Variants in PIEZO2 observed in about 807,000 individuals in gnomAD.
The protein encoded by PIEZO2 is piezo-type mechanosensitive ion channel component 2.
PIEZO2 carries 172 observed loss-of-function variants against 337.3 expected under a neutral mutation model. That is an observed-to-expected ratio of 0.51 (90% CI 0.45 to 0.58). The LOEUF (loss-of-function observed/expected upper bound fraction) is 0.58. Ranked by LOEUF, PIEZO2 falls within the 20% of genes least tolerant of loss-of-function variation. The probability of loss-of-function intolerance (pLI) is 0.00; values close to 1 mark genes in which losing one functional copy is unlikely to be tolerated. For missense variants in PIEZO2, 3,028 were observed against 3,391.3 expected, an observed-to-expected ratio of 0.89 and a Z score of 2.66; for synonymous variants, 1,251 against 1,228.5, an observed-to-expected ratio of 1.02 and a Z score of -0.38.
At chr18:11,113,595 C>T (rs980245262) in intron 1 of PIEZO2, among the ~76,000 whole-genome samples, 1 of 152,176 alleles carries the variant, frequency 6.6e-6, no homozygotes. Flanking sequence ...ACCTGGGAGG[C>T]CCTCGCAGGT....
rs1199639248 is a variant in PIEZO2 at position 10,794,249 on chromosome 18, TCTAA to T, written c.1758+519_1758+522del. On this transcript the variant is annotated intron_variant, in intron 13 of 55. Coordinates refer to ENST00000674853, the MANE Select transcript of PIEZO2 (RefSeq NM_001378183.1). This position sits in a 1 kb window ranked among gnomAD's most constrained non-coding sequence, Gnocchi z 6.6. ...TAAGTAATGAGAAGAGTATGAACAT[TCTAA>T]CTCAGATAAGAACATATCATATAAT... Among the ~76,000 whole-genome samples the T allele has an allele frequency of 1.2e-4, 18 of 152,088 alleles. No homozygotes were observed. Among genetic ancestry groups the T allele is most frequent in the African/African-American group, 4.3e-4 (18 of 41,418 alleles).
chr18:10,941,940 T>C (rs1468222169), intron 3 of PIEZO2, among the ~76,000 whole-genome samples: 1 of 152,102 alleles, frequency 6.6e-6, no homozygotes, highest in African/African-American at 2.4e-5. Flanking sequence ...TCCAGTGCTG[T>C]TCTCATGATA....
intron 3 of PIEZO2, among the ~76,000 whole-genome samples, chr18:10,931,227 G>A (rs7231558): frequency 0.43 from 64,457 of 151,636 alleles, 14,272 homozygotes; most frequent in South Asian, 0.62. Flanking sequence ...ACGGAGTCTC[G>A]CTCTGTTTGT....
Position 10,775,894 on chromosome 18 carries a change from G to T in PIEZO2, c.2535-1856C>A, listed in dbSNP as rs549124857. On this transcript the variant is annotated intron_variant, in intron 18 of 55. Coordinates refer to ENST00000674853, the MANE Select transcript of PIEZO2 (RefSeq NM_001378183.1). This position sits in a 1 kb window ranked among gnomAD's most constrained non-coding sequence, Gnocchi z 4.3. ...CCTCTCTGGAGCAGTCTAACCTCAT[G>T]AGCTTGTAATGGATGACAAAAAAAG... Among the ~76,000 whole-genome samples the T allele has an allele frequency of 6.8e-6, 1 of 147,414 alleles. No homozygotes were observed. Among genetic ancestry groups the T allele is most frequent in the Admixed American group, 7.0e-5 (1 of 14,340 alleles).
At chr18:10,842,089 C>T (rs993612606) in intron 7 of PIEZO2, among the ~76,000 whole-genome samples, 2 of 146,970 alleles carry the variant, frequency 1.4e-5, no homozygotes, top group Non-Finnish European at 3.0e-5. Flanking sequence ...GTGGAGGCTG[C>T]AGTGAGCCGA....
In PIEZO2 at chr18:10,834,360, T is replaced by TTATGG. The variant is rs1274613479; in HGVS notation, c.917+20988_917+20992dup. ...TGGGCATAATAAAGTAGACCACACC[T>TTATGG]TATGGAGTTGTTGGGAGGATTAAAT... On this transcript the variant is annotated intron_variant, in intron 7 of 55. Coordinates refer to ENST00000674853, the MANE Select transcript of PIEZO2 (RefSeq NM_001378183.1). The surrounding 1 kb of genome is among the most constrained non-coding windows in gnomAD (Gnocchi z 4.5). Among the ~76,000 whole-genome samples the TTATGG allele has an allele frequency of 1.3e-5, 2 of 152,178 alleles. No homozygotes were observed. Among genetic ancestry groups the TTATGG allele is most frequent in the Non-Finnish European group, 2.9e-5 (2 of 68,036 alleles).
At chr18:10,902,098 C>T (rs1163542994) in intron 4 of PIEZO2, among the ~76,000 whole-genome samples, 1 of 152,146 alleles carries the variant, frequency 6.6e-6, no homozygotes, top group Non-Finnish European at 1.5e-5. Context: ...AGCGAGAACC[C>T]TATTGTGAAC....
chr18:10,856,971 C>G lies in PIEZO2; in HGVS notation c.703+30G>C. On this transcript the variant is annotated intron_variant, in intron 6 of 55. Transcript: ENST00000674853. This position sits in a 1 kb window ranked among gnomAD's most constrained non-coding sequence, Gnocchi z 4.7. ...ACCAAAGCACTGCTTGTGCCTTTTG[C>G]TACGTGCAGCCAGTGTGGGAGACAC... The G allele has an allele frequency of 6.5e-7, 1 of 1,529,348 alleles. No individual in the cohort carries two copies. The highest frequency in any genetic ancestry group is 8.8e-7 in the Non-Finnish European group (1 of 1,140,152). The allele number at this position is 1,529,348 out of a possible 1,614,324, so 94.7% of individuals were successfully genotyped here. A position where few individuals can be genotyped will look rare whatever the true frequency, so the allele number is the denominator to read the frequency against.
Position 10,870,426 on chromosome 18 carries a change from C to A in PIEZO2, c.492+827G>T, listed in dbSNP as rs1158329832. On this transcript the variant is annotated intron_variant, in intron 5 of 55. Transcript: ENST00000674853. This position sits in a 1 kb window ranked among gnomAD's most constrained non-coding sequence, Gnocchi z 5.3. ...ACTGAAAACATTTAGTACTTGCAAG[C>A]GTTTTGCATCAAATGTCCAAATAAA... 6.6e-6 allele frequency among the ~76,000 whole-genome samples: 1 copy of A among 151,252 alleles called. No homozygotes were observed. Among genetic ancestry groups the A allele is most frequent in the African/African-American group, 2.4e-5 (1 of 41,326 alleles).
intron 3 of PIEZO2, among the ~76,000 whole-genome samples, chr18:10,963,115 T>A (rs571831233): frequency 6.6e-6 from 1 of 152,116 alleles, no homozygotes; most frequent in East Asian, 1.9e-4. Context: ...TGAAACCTTG[T>A]CTCTACTAAA....
chr18:10,729,877 C>A (rs1373851704), intron 36 of PIEZO2, among the ~76,000 whole-genome samples: 1 of 152,132 alleles, frequency 6.6e-6, no homozygotes, highest in Admixed American at 6.5e-5. Context: ...TGTTGTTTTT[C>A]ACTTAATAAT....
rs1568111918 is a variant in PIEZO2, at chr18:10,833,701, C to G, written c.917+21652G>C. On this transcript the variant is annotated intron_variant, in intron 7 of 55. Transcript: ENST00000674853. The surrounding 1 kb of genome is among the most constrained non-coding windows in gnomAD (Gnocchi z 4.7). The stretch of plus-strand genomic sequence containing the variant: ...AGCCCTCTCAGCTTCTCATATCTCT[C>G]TGGAGAGACACTTTCTTCTTTCTAG... Among the ~76,000 whole-genome samples, 1 of 152,256 alleles carries G rather than the reference C, an allele frequency of 6.6e-6. No homozygotes were observed. Among genetic ancestry groups the G allele is most frequent in the Non-Finnish European group, 1.5e-5 (1 of 68,054 alleles).
chr18:10,980,176 GCAT>G lies in PIEZO2; in HGVS notation c.161-519_161-517del, dbSNP rs1568262853. Among the ~76,000 whole-genome samples the G allele has an allele frequency of 1.3e-5, 2 of 151,752 alleles. No individual in the cohort carries two copies. Among genetic ancestry groups the G allele is most frequent in the African/African-American group, 4.8e-5 (2 of 41,318 alleles). ...TTAAATGTGTTAACCAACTGAAATA[GCAT>G]AGAAAAAATATAATACATAGGTTAA... On this transcript the variant is annotated intron_variant, in intron 2 of 55. Transcript: ENST00000674853. The surrounding 1 kb of genome is among the most constrained non-coding windows in gnomAD (Gnocchi z 4.8).
Position 10,724,856 on chromosome 18 carries a change from G to C in PIEZO2, c.5029+6551C>G. ...GGCCACGGCGGCCACATGCGTCGCAGTGAGAGCACCTACTCTGTAAATAGT... is the reference window on the plus strand; with the variant it reads ...GGCCACGGCGGCCACATGCGTCGCACTGAGAGCACCTACTCTGTAAATAGT... On this transcript the variant is annotated intron_variant, in intron 36 of 55. Transcript: ENST00000674853. The surrounding 1 kb of genome is among the most constrained non-coding windows in gnomAD (Gnocchi z 5.8). 1 of 1,607,158 alleles carries C rather than the reference G, an allele frequency of 6.2e-7. No individual in the cohort carries two copies. Among genetic ancestry groups the C allele is most frequent in the Non-Finnish European group, 8.5e-7 (1 of 1,176,922 alleles).
chr18:10,869,669 CAAG>C (rs1598608028), intron 5 of PIEZO2, among the ~76,000 whole-genome samples: 1 of 152,104 alleles, frequency 6.6e-6, no homozygotes, highest in East Asian at 1.9e-4. Context: ...GGAATGTCAA[CAAG>C]AAGAAGAAGC....
intron 42 of PIEZO2, 187 bp downstream of exon 42, chr18:10,704,207 C>T (rs570748754): frequency 1.2e-5 from 9 of 757,382 alleles, no homozygotes; most frequent in East Asian, 8.2e-5. Context: ...TTTAGAATTG[C>T]GAGTGCTAGG....
rs1017521762 is a variant in PIEZO2, at chr18:10,969,119, C to T, written c.286+10416G>A. Among the ~76,000 whole-genome samples, 7 of 152,154 alleles carry T rather than the reference C, an allele frequency of 4.6e-5. No individual in the cohort carries two copies. The highest frequency in any genetic ancestry group is 4.4e-5 in the Non-Finnish European group (3 of 68,040). On this transcript the variant is annotated intron_variant, in intron 3 of 55. Coordinates refer to ENST00000674853, the MANE Select transcript of PIEZO2 (RefSeq NM_001378183.1). This position sits in a 1 kb window ranked among gnomAD's most constrained non-coding sequence, Gnocchi z 4.5. ...GCCCAATTCTGCTGCTTTCAAATGC[C>T]TTTGAAATGTCCTTCCATATTCCAT...
rs1054124205 is a variant in PIEZO2, at chr18:11,003,348, T to G, written c.161-23688A>C. Reference sequence around the variant, plus strand: ...TCAGTAGGCTCCTGGAAACTGCGGCTTTAAGCAAAACGATGTATAGCAAAA... The same window carrying G: ...TCAGTAGGCTCCTGGAAACTGCGGCGTTAAGCAAAACGATGTATAGCAAAA... On this transcript the variant is annotated intron_variant, in intron 2 of 55. Transcript: ENST00000674853. This position sits in a 1 kb window ranked among gnomAD's most constrained non-coding sequence, Gnocchi z 4.6. 6.6e-6 allele frequency among the ~76,000 whole-genome samples: 1 copy of G among 152,212 alleles called. No homozygotes were observed. Among genetic ancestry groups the G allele is most frequent in the African/African-American group, 2.4e-5 (1 of 41,444 alleles).
chr18:10,855,760 T>C lies in PIEZO2; in HGVS notation c.704-194A>G, dbSNP rs1555661280. ...AGATTTATTGTGAAAAAGTCACATA[T>C]GAAATGATAACTATAAATACAAAGA... is the stretch of plus-strand genomic sequence containing the variant. On this transcript the variant is annotated intron_variant, in intron 6 of 55. Coordinates refer to ENST00000674853, the MANE Select transcript of PIEZO2 (RefSeq NM_001378183.1). The surrounding 1 kb of genome is among the most constrained non-coding windows in gnomAD (Gnocchi z 4.9). Among the ~76,000 whole-genome samples the C allele has an allele frequency of 6.6e-6, 1 of 152,214 alleles. No homozygotes were observed. The highest frequency in any genetic ancestry group is 1.5e-5 in the Non-Finnish European group (1 of 68,030).
Sources: gnomAD v4.1 joint callset for allele counts (sites outside exome capture counted in the v4.1 genomes callset) on GRCh38, gnomAD v4.1.1 for gene constraint, Gnocchi (gnomAD v3.1) non-coding constraint, MANE v1.5 for transcripts, NCBI Gene and HGNC (gene_info 2026-07-23, HGNC 2026-07-21) for gene names.